RBFOX1: variants seen among roughly 807,000 people sequenced by gnomAD.
The protein encoded by RBFOX1 is RNA binding protein fox-1 homolog 1.
RBFOX1 carries 8 observed loss-of-function variants against 57.7 expected under a neutral mutation model. The observed-to-expected ratio is 0.14, with a 90% CI of 0.08 to 0.25. The LOEUF is 0.25. Among genes scored for constraint, RBFOX1 ranks in the 10% least tolerant of loss-of-function variants. RBFOX1 has a pLI of 1.00. For missense variants in RBFOX1, 611 were observed against 548.5 expected (o/e 1.11, Z -1.14); for synonymous variants, 326 against 222.4 (o/e 1.47, Z -4.15).
intron 3 of RBFOX1, among the ~76,000 whole-genome samples, chr16:6,656,187 C>G (rs957821495): frequency 3.3e-5 from 5 of 152,168 alleles, no homozygotes; most frequent in Non-Finnish European, 4.4e-5. Context: ...TCTGCCCAGC[C>G]GAATCATTCC....
rs538427746 is a variant in RBFOX1, at chr16:7,563,720, G to A, written c.271-16057G>A. On this transcript the variant is annotated intron_variant, in intron 5 of 15. Transcript: ENST00000550418. ...CCTGACCTCGTGATCCACCCACCTCGGCCTCCCAAAGTGCTGGGATTACAG... is the reference window on the plus strand; with the variant it reads ...CCTGACCTCGTGATCCACCCACCTCAGCCTCCCAAAGTGCTGGGATTACAG... Among the ~76,000 whole-genome samples, 25 of 152,120 alleles carry A rather than the reference G, an allele frequency of 1.6e-4. 1 individual carries two copies. The South Asian group carries it at 3.5e-3, about 22-fold the overall frequency.
chr16:6,880,939 A>G (rs1017372702), intron 3 of RBFOX1, among the ~76,000 whole-genome samples: 3 of 152,194 alleles, frequency 2.0e-5, no homozygotes, highest in East Asian at 1.9e-4. Context: ...TAAATGCTAC[A>G]TTAGGAGATT....
chr16:5,650,760 C>T (rs1169232487), intron 3 of RBFOX1, among the ~76,000 whole-genome samples: 1 of 152,092 alleles, frequency 6.6e-6, no homozygotes, highest in East Asian at 1.9e-4. Context: ...TCTTCTCCCA[C>T]ATTTATTGAA....
At chr16:6,776,633 C>A (rs941852195) in intron 3 of RBFOX1, among the ~76,000 whole-genome samples, 1 of 152,112 alleles carries the variant, frequency 6.6e-6, no homozygotes, top group Non-Finnish European at 1.5e-5. Context: ...TTATCCCTTT[C>A]AAATCGGTAT....
intron 3 of RBFOX1, among the ~76,000 whole-genome samples, chr16:6,933,706 C>A (rs1018318602): frequency 6.6e-6 from 1 of 152,214 alleles, no homozygotes; most frequent in South Asian, 2.1e-4. Flanking sequence ...CAGCACGAGA[C>A]TGCGTCTCAT....
At chr16:6,541,760 A>G (rs558962112) in intron 2 of RBFOX1, among the ~76,000 whole-genome samples, 2 of 152,274 alleles carry the variant, frequency 1.3e-5, no homozygotes, top group South Asian at 4.1e-4. Flanking sequence ...TGATAGAGGA[A>G]GGATACTGGA....
At chr16:6,399,888 A>G (rs1160000899) in intron 2 of RBFOX1, among the ~76,000 whole-genome samples, 4 of 152,190 alleles carry the variant, frequency 2.6e-5, no homozygotes, top group Non-Finnish European at 4.4e-5. Flanking sequence ...TGAGTGCCCA[A>G]TGAAGGGAGA....
chr16:6,930,274 T>C (rs2153473133), intron 3 of RBFOX1, among the ~76,000 whole-genome samples: 1 of 152,326 alleles, frequency 6.6e-6, no homozygotes, highest in Admixed American at 6.5e-5. Context: ...AGGATTTGAA[T>C]AGACGTGTCT....
intron 3 of RBFOX1, among the ~76,000 whole-genome samples, chr16:6,692,147 TCTC>T (rs1480222767): frequency 1.3e-5 from 2 of 152,206 alleles, no homozygotes; most frequent in African/African-American, 2.4e-5. Flanking sequence ...GGTAACATAT[TCTC>T]CTATTTTACA....
At chr16:6,393,045 C>T (rs897398266) in intron 2 of RBFOX1, among the ~76,000 whole-genome samples, 3 of 152,182 alleles carry the variant, frequency 2.0e-5, no homozygotes, top group Admixed American at 6.5e-5. Context: ...TAGGCTGGGA[C>T]ACTGGAGTAA....
intron 3 of RBFOX1, among the ~76,000 whole-genome samples, chr16:6,780,255 A>G (rs190120126): frequency 1.2e-5 from 1 of 84,810 alleles, no homozygotes; most frequent in Non-Finnish European, 1.9e-5. Context: ...ATATATATTT[A>G]TATATATATT....
At chr16:7,195,935 A>AT (rs1419877514) in intron 4 of RBFOX1, among the ~76,000 whole-genome samples, 4 of 151,568 alleles carry the variant, frequency 2.6e-5, no homozygotes, top group Non-Finnish European at 4.4e-5. Context: ...ACGTGATATG[A>AT]TTTTTTCTTT....
At chr16:6,545,393 C>A (rs1246090264) in intron 2 of RBFOX1, among the ~76,000 whole-genome samples, 1 of 152,130 alleles carries the variant, frequency 6.6e-6, no homozygotes, top group Non-Finnish European at 1.5e-5. Context: ...TCTCCAACCC[C>A]TCTCTCTCTT....
At chr16:6,263,406 T>C (rs1162310380) in intron 1 of RBFOX1, among the ~76,000 whole-genome samples, 2 of 152,198 alleles carry the variant, frequency 1.3e-5, no homozygotes, top group Admixed American at 6.5e-5. Context: ...GAGGCTCTGA[T>C]AAACACATTC....
chr16:6,815,031 A>T (rs1236983041), intron 3 of RBFOX1, among the ~76,000 whole-genome samples: 1 of 152,160 alleles, frequency 6.6e-6, no homozygotes, highest in Non-Finnish European at 1.5e-5. Context: ...TATATGCTAA[A>T]CAAGGGATGG....
At chr16:7,398,059 C>A (rs191490222) in intron 4 of RBFOX1, among the ~76,000 whole-genome samples, 3 of 151,982 alleles carry the variant, frequency 2.0e-5, no homozygotes, top group African/African-American at 4.8e-5. Context: ...GATTTAACCT[C>A]CCCCAGTTGC....
At chr16:5,603,436 C>G (rs2047433855), downstream of RBFOX1, among the ~76,000 whole-genome samples, 1 of 152,154 alleles carries the variant, frequency 6.6e-6, no homozygotes, top group African/African-American at 2.4e-5. Flanking sequence ...GGCTGTTTCC[C>G]ATGCTGCATT....
At chr16:5,861,458 C>T (rs1597535769) in intron 3 of RBFOX1, among the ~76,000 whole-genome samples, 1 of 152,192 alleles carries the variant, frequency 6.6e-6, no homozygotes, top group African/African-American at 2.4e-5. Flanking sequence ...GTAGCAGAGC[C>T]TCTTTCACTC....
intron 4 of RBFOX1, among the ~76,000 whole-genome samples, chr16:7,393,568 C>T (rs958370010): frequency 6.6e-6 from 1 of 152,028 alleles, no homozygotes; most frequent in Non-Finnish European, 1.5e-5. Context: ...CTGGACAATG[C>T]TATAGGGGGT....
Sources: gnomAD v4.1 joint callset for allele counts (sites outside exome capture counted in the v4.1 genomes callset) on GRCh38, gnomAD v4.1.1 for gene constraint, MANE v1.5 for transcripts, NCBI Gene and HGNC (gene_info 2026-07-23, HGNC 2026-07-21) for gene names.